TNS1: variants seen among roughly 807,000 people sequenced by gnomAD.
The protein encoded by TNS1 is tensin-1.
A neutral mutation model predicts 168.6 loss-of-function variants in TNS1; 62 were observed. That is an observed-to-expected ratio of 0.37 (90% CI 0.30 to 0.45). TNS1 has a LOEUF of 0.45. Ranked by LOEUF, TNS1 falls within the 20% of genes least tolerant of loss-of-function variation. The probability of loss-of-function intolerance (pLI) is 1.00; values close to 1 mark genes in which losing one functional copy is unlikely to be tolerated. For synonymous variants in TNS1, 934 were observed against 933.2 expected (o/e 1.00, Z -0.02); for missense variants, 2,240 against 2,339.4 (o/e 0.96, Z 0.88).
In TNS1 at chr2:217,803,620, T is replaced by C. The variant is rs1937828481; in HGVS notation, c.*839A>G. The stretch of plus-strand genomic sequence containing the variant: ...CCATTGCAGACCCTCCCACTCCTGC[T>C]GGGGTCTTTGTAGAAGAGAAGGGTC... On this transcript the variant is annotated 3_prime_UTR_variant, in exon 33 of 33. Transcript: ENST00000682258. 1 of 152,788 alleles carries C rather than the reference T, an allele frequency of 6.5e-6. No homozygotes were observed. Among genetic ancestry groups the C allele is most frequent in the Non-Finnish European group, 1.5e-5 (1 of 68,082 alleles). 9.5% of individuals were successfully genotyped at this position (152,788 alleles called of 1,614,324 possible). A position where few individuals can be genotyped will look rare whatever the true frequency, so the allele number is the denominator to read the frequency against.
At chr2:217,806,002 T>TG (rs1938969721) in intron 32 of TNS1, among the ~76,000 whole-genome samples, 2 of 152,194 alleles carry the variant, frequency 1.3e-5, no homozygotes, top group Admixed American at 6.5e-5. Flanking sequence ...GCCCAGGTGG[T>TG]GGGGGAGCTG....
At chr2:217,826,399 C>T (rs1232158996) in intron 22 of TNS1, among the ~76,000 whole-genome samples, 1 of 152,104 alleles carries the variant, frequency 6.6e-6, no homozygotes, top group Non-Finnish European at 1.5e-5. Context: ...GGACAATATA[C>T]TTCTACTTGC....
At chr2:217,957,320 G>A (rs541808128) in intron 3 of TNS1, among the ~76,000 whole-genome samples, 1 of 152,206 alleles carries the variant, frequency 6.6e-6, no homozygotes, top group East Asian at 1.9e-4. Flanking sequence ...TCACTCCAAG[G>A]TGCCGCACTC....
intron 1 of TNS1, among the ~76,000 whole-genome samples, chr2:218,017,922 C>T (rs1441380674): frequency 2.6e-5 from 4 of 152,228 alleles, no homozygotes; most frequent in African/African-American, 9.6e-5. Flanking sequence ...GTCTGGAACA[C>T]ACAGTTCACA....
At chr2:217,946,446 A>T (rs1957106963) in intron 3 of TNS1, among the ~76,000 whole-genome samples, 1 of 152,368 alleles carries the variant, frequency 6.6e-6, no homozygotes, top group East Asian at 1.9e-4. Flanking sequence ...GAATAAATGA[A>T]TGATGAAGAG....
chr2:218,014,234 C>G (rs1177029982), upstream of TNS1, among the ~76,000 whole-genome samples: 1 of 152,188 alleles, frequency 6.6e-6, no homozygotes, highest in Admixed American at 6.5e-5. Context: ...TGCACAGAGA[C>G]CACTCCCCGG....
chr2:217,951,839 G>C (rs1424116852), intron 3 of TNS1, among the ~76,000 whole-genome samples: 1 of 152,250 alleles, frequency 6.6e-6, no homozygotes, highest in African/African-American at 2.4e-5. Context: ...GACGTCCCCA[G>C]GTTTTTCAGT....
rs1178250318 is a variant in TNS1, at chr2:217,986,074, A to C, written c.148+4868T>G. ...ACCTCCTCATTTAGGGAAAAGGGAA[A>C]GCCAGACCCAGAGAGGTTAAGCATC... On this transcript the variant is annotated intron_variant, in intron 2 of 32. Coordinates refer to ENST00000682258, the MANE Select transcript of TNS1 (RefSeq NM_001387777.1). The surrounding 1 kb of genome is among the most constrained non-coding windows in gnomAD (Gnocchi z 4.7). Among the ~76,000 whole-genome samples, 1 of 152,206 alleles carries C rather than the reference A, an allele frequency of 6.6e-6. No homozygotes were observed. The highest frequency in any genetic ancestry group is 1.5e-5 in the Non-Finnish European group (1 of 68,040).
At chr2:217,831,341 G>A (rs1204324123) in intron 22 of TNS1, 114 bp downstream of exon 22, 1 of 911,182 alleles carries the variant, frequency 1.1e-6, no homozygotes, top group Non-Finnish European at 1.6e-6. Flanking sequence ...CCTGACCTCA[G>A]TGTGGGCACA....
Position 217,813,073 on chromosome 2 carries a change from A to ATTCAT in TNS1, c.4954+137_4954+141dup. On this transcript the variant is annotated intron_variant, in intron 27 of 32. Coordinates refer to ENST00000682258, the MANE Select transcript of TNS1 (RefSeq NM_001387777.1). This position sits in a 1 kb window ranked among gnomAD's most constrained non-coding sequence, Gnocchi z 4.0. ...GCACTGCGGAGGGAGAGAAGCTTTC[A>ATTCAT]TTCATTTTCTCTGCTGAATTTATGA... is the stretch of plus-strand genomic sequence containing the variant. 1.5e-6 allele frequency: 1 copy of ATTCAT among 652,140 alleles called. No individual in the cohort carries two copies. Among genetic ancestry groups the ATTCAT allele is most frequent in the Non-Finnish European group, 2.7e-6 (1 of 364,586 alleles). The allele number at this position is 652,140 out of a possible 1,614,324, so 40.4% of individuals were successfully genotyped here.
chr2:218,024,482 G>A (rs1194005590), intron 1 of TNS1, among the ~76,000 whole-genome samples: 1 of 152,202 alleles, frequency 6.6e-6, no homozygotes, highest in African/African-American at 2.4e-5. Context: ...CTGCTGCAGA[G>A]GTGGGGAGCT....
intron 4 of TNS1, among the ~76,000 whole-genome samples, chr2:217,914,921 A>G (rs1164234425): frequency 6.6e-6 from 1 of 152,152 alleles, no homozygotes; most frequent in Non-Finnish European, 1.5e-5. Flanking sequence ...GTCTTTCAAC[A>G]TATTCTCACT....
At chr2:217,868,174 G>C (rs1949451220) in intron 18 of TNS1, among the ~76,000 whole-genome samples, 1 of 152,198 alleles carries the variant, frequency 6.6e-6, no homozygotes, top group Admixed American at 6.5e-5. Flanking sequence ...AGATGATGTG[G>C]GGTTTTTCCT....
chr2:217,868,429 T>G (rs1479954332), intron 18 of TNS1, among the ~76,000 whole-genome samples: 2 of 152,168 alleles, frequency 1.3e-5, no homozygotes, highest in African/African-American at 2.4e-5. Flanking sequence ...TTCTGCATAG[T>G]GGGAAGAACA....
At chr2:217,922,494 C>G (rs750405735) in intron 3 of TNS1, among the ~76,000 whole-genome samples, 1 of 152,222 alleles carries the variant, frequency 6.6e-6, no homozygotes, top group Non-Finnish European at 1.5e-5. Context: ...CTGATGCCTG[C>G]CACTGCCAGG....
Position 217,821,596 on chromosome 2 carries a change from T to C in TNS1, c.3572+144A>G, listed in dbSNP as rs1049597102. The C allele has an allele frequency of 7.8e-6, 6 of 765,008 alleles. No individual in the cohort carries two copies. The African/African-American group carries it at 1.1e-4, about 14-fold the overall frequency. The allele number at this position is 765,008 out of a possible 1,614,324, so 47.4% of individuals were successfully genotyped here. The stretch of plus-strand genomic sequence containing the variant: ...GACATGTGCCCTCAATGCACCTTGA[T>C]GAACTGGTTTGCAAGGTACCGCCAT... On this transcript the variant is annotated intron_variant, in intron 23 of 32. Coordinates refer to ENST00000682258, the MANE Select transcript of TNS1 (RefSeq NM_001387777.1).
intron 18 of TNS1, among the ~76,000 whole-genome samples, chr2:217,874,442 T>C (rs1219496769): frequency 1.3e-5 from 2 of 152,202 alleles, no homozygotes; most frequent in African/African-American, 4.8e-5. Flanking sequence ...GCTTTGGAGC[T>C]GGAAGCCCTT....
rs1332505558 is a variant in TNS1, at chr2:217,813,461, C to T, written c.4862-154G>A. Among the ~76,000 whole-genome samples, 1 of 152,228 alleles carries T rather than the reference C, an allele frequency of 6.6e-6. No individual in the cohort carries two copies. Among genetic ancestry groups the T allele is most frequent in the Non-Finnish European group, 1.5e-5 (1 of 68,038 alleles). On this transcript the variant is annotated intron_variant, in intron 26 of 32. Transcript: ENST00000682258. The surrounding 1 kb of genome is among the most constrained non-coding windows in gnomAD (Gnocchi z 4.0). ...GGCTGGAGCCCCATGGACTGCAGAGCCCACTGCTGCTCTCCCACCCCTCAG... is the reference window on the plus strand; with the variant it reads ...GGCTGGAGCCCCATGGACTGCAGAGTCCACTGCTGCTCTCCCACCCCTCAG...
intron 1 of TNS1, among the ~76,000 whole-genome samples, chr2:218,000,593 G>A (rs1368451902): frequency 2.0e-5 from 3 of 152,240 alleles, no homozygotes; most frequent in Admixed American, 6.5e-5. Flanking sequence ...GCCATACAAG[G>A]AGTATATTAT....
Sources: allele counts gnomAD v4.1 joint callset (sites outside exome capture counted in the v4.1 genomes callset), GRCh38; gene constraint gnomAD v4.1.1; non-coding constraint Gnocchi (gnomAD v3.1); transcripts MANE v1.5; gene names NCBI Gene and HGNC (gene_info 2026-07-23, HGNC 2026-07-21).